The following RIMKLA variants were observed in gnomAD, a reference collection of about 807,000 sequenced individuals.
RIMKLA encodes ribosomal modification protein rimK like family member A.
A neutral mutation model predicts 32.7 loss-of-function variants in RIMKLA; 14 were observed. That is an observed-to-expected ratio of 0.43 (90% CI 0.28 to 0.67). The LOEUF is 0.67. Among genes scored for constraint, RIMKLA ranks in the 30% least tolerant of loss-of-function variants. RIMKLA has a pLI of 0.18. For synonymous variants in RIMKLA, 176 were observed against 204.1 expected (o/e 0.86, Z 1.18); for missense variants, 410 against 519.0 (o/e 0.79, Z 2.04).
chr1:42,384,951 A>G (rs952019126), intron 1 of RIMKLA, among the ~76,000 whole-genome samples: 11 of 152,152 alleles, frequency 7.2e-5, no homozygotes, highest in Non-Finnish European at 1.5e-5. Context: ...CAAGTCACTT[A>G]TCTCTAAAAA....
intron 3 of RIMKLA, among the ~76,000 whole-genome samples, chr1:42,408,868 C>T (rs78391574): frequency 7.4e-4 from 112 of 152,186 alleles, no homozygotes; most frequent in Non-Finnish European, 1.4e-3. Flanking sequence ...GCAGAGCAAA[C>T]TTATCAGAAC....
intron 2 of RIMKLA, among the ~76,000 whole-genome samples, chr1:42,400,476 T>C (rs939281768): frequency 1.3e-5 from 2 of 152,108 alleles, no homozygotes; most frequent in Non-Finnish European, 2.9e-5. Flanking sequence ...AAACTAACAG[T>C]GGGAATGAAG....
intron 1 of RIMKLA, among the ~76,000 whole-genome samples, chr1:42,384,718 G>A (rs149831498): frequency 7.9e-5 from 12 of 151,844 alleles, no homozygotes; most frequent in African/African-American, 1.9e-4. Context: ...ATGCCAATAA[G>A]GATATATGGG....
rs1175929753 is a variant in RIMKLA at position 42,385,767 on chromosome 1, CTTTGTTTCTTTGTTTGTTTG to C, written c.163+4674_163+4693del. Among the ~76,000 whole-genome samples, 59 of 73,732 alleles carry C rather than the reference CTTTGTTTCTTTGTTTGTTTG, an allele frequency of 8.0e-4. 1 individual carries two copies. The highest frequency in any genetic ancestry group is 4.2e-3 in the African/African-American group (56 of 13,418). 48.4% of individuals were successfully genotyped at this position (73,732 alleles called of 152,430 possible). A position where few individuals can be genotyped will look rare whatever the true frequency, so the allele number is the denominator to read the frequency against. ...TCTTTCTTTCTTTCTTTCTTTCTTT[CTTTGTTTCTTTGTTTGTTTG>C]TTTCTTTCTTTCTCTCTCTCTTTCC... On this transcript the variant is annotated intron_variant, in intron 1 of 4. Coordinates refer to ENST00000431473, the MANE Select transcript of RIMKLA (RefSeq NM_173642.4).
At chr1:42,411,642 T>C (rs1039801093) in intron 4 of RIMKLA, among the ~76,000 whole-genome samples, 2 of 140,872 alleles carry the variant, frequency 1.4e-5, no homozygotes, top group African/African-American at 5.6e-5. Flanking sequence ...TGTATTTTTA[T>C]TTTTATTATT....
chr1:42,398,834 G>T (rs1643069107), intron 1 of RIMKLA, among the ~76,000 whole-genome samples: 1 of 152,050 alleles, frequency 6.6e-6, no homozygotes, highest in East Asian at 1.9e-4. Context: ...GGGCATGGTG[G>T]TGCACGCCTG....
rs1643267757 is a variant in RIMKLA, at chr1:42,418,246, CTCAG to C, written c.*3276_*3279del. ...CTGGTCAAAACTTGAATGCCAATAG[CTCAG>C]TCACTCAGAATATACGATTCTGCAC... On this transcript the variant is annotated 3_prime_UTR_variant, in exon 5 of 5. Transcript: ENST00000431473. 6.6e-6 allele frequency: 1 copy of C among 152,224 alleles called. No homozygotes were observed. Among genetic ancestry groups the C allele is most frequent in the Admixed American group, 6.5e-5 (1 of 15,288 alleles). 9.4% of individuals were successfully genotyped at this position (152,224 alleles called of 1,614,324 possible). A position where few individuals can be genotyped will look rare whatever the true frequency, so the allele number is the denominator to read the frequency against.
chr1:42,409,999 TG>T lies in RIMKLA; in HGVS notation c.499del (p.Ala167GlnfsTer13). On this transcript the variant is annotated frameshift_variant, in exon 4 of 5. Coordinates refer to ENST00000431473, the MANE Select transcript of RIMKLA (RefSeq NM_173642.4). LOFTEE classifies it high-confidence loss of function. ...CTTCTTAAAGGAAAAGCTGTTTTTC[TG>T]GCAAGAGATAAACATCACCTCTCTG... is the stretch of plus-strand genomic sequence containing the variant. ...TRGHRGKAVFLARDKHHLSDI... is the reference protein window; with the variant it reads ...TRGHRGKAVFXARDKHHLSDI... 1 of 1,614,094 alleles carries T rather than the reference TG, an allele frequency of 6.2e-7. No homozygotes were observed. The highest frequency in any genetic ancestry group is 8.5e-7 in the Non-Finnish European group (1 of 1,179,944).
chr1:42,394,363 G>C (rs16829427), intron 1 of RIMKLA, among the ~76,000 whole-genome samples: 25,864 of 152,220 alleles, frequency 0.17, 2,332 homozygotes, highest in East Asian at 0.22. Context: ...TGAGTGACAT[G>C]CATGCACAGG....
chr1:42,397,548 C>A (rs993355656), intron 1 of RIMKLA, among the ~76,000 whole-genome samples: 2 of 152,088 alleles, frequency 1.3e-5, no homozygotes, highest in Non-Finnish European at 2.9e-5. Context: ...CATAGCAAGA[C>A]TACATCTCCC....
At chr1:42,399,357 AC>A (rs1235537486) in intron 1 of RIMKLA, 46 bp from the exon 2 acceptor site, 1 of 1,339,606 alleles carries the variant, frequency 7.5e-7, no homozygotes, top group East Asian at 2.4e-5. Flanking sequence ...CTTCTGGTGG[AC>A]TAAACGATAG....
At chr1:42,401,263 T>C (rs1643094542) in intron 2 of RIMKLA, among the ~76,000 whole-genome samples, 1 of 152,172 alleles carries the variant, frequency 6.6e-6, no homozygotes, top group Admixed American at 6.6e-5. Flanking sequence ...GCTCACCTCC[T>C]GATGTGCCGC....
rs1282094933 is a variant in RIMKLA, at chr1:42,420,318, G to A, written c.*5344G>A. The A allele has an allele frequency of 1.3e-5, 2 of 152,246 alleles. No homozygotes were observed. Among genetic ancestry groups the A allele is most frequent in the Admixed American group, 1.3e-4 (2 of 15,280 alleles). 9.4% of individuals were successfully genotyped at this position (152,246 alleles called of 1,614,324 possible). On this transcript the variant is annotated 3_prime_UTR_variant, in exon 5 of 5. Coordinates refer to ENST00000431473, the MANE Select transcript of RIMKLA (RefSeq NM_173642.4). ...TCCACATAGCAAAATTCAAGCGAGTGAGTGTGTGTGCCTGCGTGTGTCTCA... is the reference window on the plus strand; with the variant it reads ...TCCACATAGCAAAATTCAAGCGAGTAAGTGTGTGTGCCTGCGTGTGTCTCA...
chr1:42,387,112 G>A (rs1209311985), intron 1 of RIMKLA, among the ~76,000 whole-genome samples: 2 of 151,998 alleles, frequency 1.3e-5, no homozygotes, highest in African/African-American at 4.8e-5. Context: ...ATGGTGGAAT[G>A]CACCTGTAAT....
chr1:42,383,724 C>T (rs758329412), intron 1 of RIMKLA, among the ~76,000 whole-genome samples: 1 of 152,154 alleles, frequency 6.6e-6, no homozygotes, highest in Non-Finnish European at 1.5e-5. Context: ...CTTCATTTTA[C>T]GAAGAAGAAC....
intron 3 of RIMKLA, among the ~76,000 whole-genome samples, chr1:42,407,856 G>A (rs983794388): frequency 3.9e-5 from 6 of 152,154 alleles, no homozygotes; most frequent in Admixed American, 1.3e-4. Flanking sequence ...CTTAGTACAT[G>A]ATTAACCAAT....
intron 1 of RIMKLA, among the ~76,000 whole-genome samples, chr1:42,384,500 CATGTATAT>C (rs1225434170): frequency 6.2e-5 from 9 of 145,828 alleles, no homozygotes; most frequent in South Asian, 4.3e-4. Flanking sequence ...TATATATATA[CATGTATAT>C]ATGTATATAT....
intron 2 of RIMKLA, among the ~76,000 whole-genome samples, 162 bp downstream of exon 2, chr1:42,399,796 C>T (rs920611212): frequency 2.0e-5 from 3 of 152,164 alleles, no homozygotes; most frequent in Non-Finnish European, 2.9e-5. Flanking sequence ...AATGCCTTGG[C>T]GTCTTCCCTT....
At chr1:42,408,626 G>C (rs1643169716) in intron 3 of RIMKLA, among the ~76,000 whole-genome samples, 2 of 151,934 alleles carry the variant, frequency 1.3e-5, no homozygotes, top group Admixed American at 1.3e-4. Flanking sequence ...TCTCCATGTT[G>C]GTCAGGCTGG....
Sources: gnomAD v4.1 joint callset for allele counts (sites outside exome capture counted in the v4.1 genomes callset) on GRCh38, gnomAD v4.1.1 for gene constraint, MANE v1.5 for transcripts, NCBI Gene and HGNC (gene_info 2026-07-23, HGNC 2026-07-21) for gene names.